The following PLCH1 variants were observed in gnomAD, a reference collection of about 807,000 sequenced individuals.
PLCH1 encodes 1-phosphatidylinositol 4,5-bisphosphate phosphodiesterase eta-1.
A neutral mutation model predicts 126.7 loss-of-function variants in PLCH1; 60 were observed. The observed-to-expected ratio is 0.47, with a 90% CI of 0.38 to 0.59. PLCH1 has a LOEUF of 0.59. Ranked by LOEUF, PLCH1 falls within the 20% of genes least tolerant of loss-of-function variation. PLCH1 has a pLI of 0.00. For missense variants in PLCH1, 1,723 were observed against 2,040.0 expected, an observed-to-expected ratio of 0.84 and a Z score of 2.99; for synonymous variants, 719 against 734.9, an observed-to-expected ratio of 0.98 and a Z score of 0.35.
At chr3:155,554,029 T>A (rs768627834) in intron 9 of PLCH1, 47 bp downstream of exon 9, 1 of 1,594,500 alleles carries the variant, frequency 6.3e-7, no homozygotes, top group South Asian at 1.1e-5. Context: ...CAGGCAATGC[T>A]CCATGCGGGA....
chr3:155,451,586 A>G (rs912395003), intron 21 of PLCH1, among the ~76,000 whole-genome samples: 2 of 152,210 alleles, frequency 1.3e-5, no homozygotes, highest in Admixed American at 6.5e-5. Context: ...AAACTGAATA[A>G]AGCAGATTTC....
intron 1 of PLCH1, among the ~76,000 whole-genome samples, chr3:155,716,908 G>A (rs538706634): frequency 6.6e-6 from 1 of 152,280 alleles, no homozygotes; most frequent in South Asian, 2.1e-4. Context: ...GAAGTCCAAG[G>A]TCTCATCTGG....
At chr3:155,460,274 T>A (rs1712659875) in intron 21 of PLCH1, among the ~76,000 whole-genome samples, 1 of 152,194 alleles carries the variant, frequency 6.6e-6, no homozygotes, top group Non-Finnish European at 1.5e-5. Flanking sequence ...CTTTAATCCT[T>A]GCCCAAATTT....
chr3:155,663,434 G>A (rs1003997704), intron 2 of PLCH1, among the ~76,000 whole-genome samples: 8 of 152,126 alleles, frequency 5.3e-5, no homozygotes, highest in African/African-American at 1.9e-4. Flanking sequence ...GAAACCTTTT[G>A]CTCTCTTTCC....
chr3:155,729,533 T>C (rs919048332), intron 1 of PLCH1, among the ~76,000 whole-genome samples: 4 of 152,218 alleles, frequency 2.6e-5, no homozygotes, highest in African/African-American at 9.6e-5. Flanking sequence ...GAAGGAACAG[T>C]AGATGCTCAA....
chr3:155,530,233 C>T (rs189747683), intron 10 of PLCH1, among the ~76,000 whole-genome samples: 1 of 152,278 alleles, frequency 6.6e-6, no homozygotes, highest in East Asian at 1.9e-4. Flanking sequence ...AGGTTTTGTA[C>T]ACCTCAAGAA....
intron 2 of PLCH1, among the ~76,000 whole-genome samples, chr3:155,639,823 T>C (rs139380125): frequency 9.2e-5 from 14 of 152,312 alleles, no homozygotes; most frequent in Middle Eastern, 6.8e-3. Context: ...GGGAGGTGAC[T>C]GAGTCATGGG....
intron 6 of PLCH1, among the ~76,000 whole-genome samples, chr3:155,575,671 T>C (rs1435714191): frequency 6.6e-6 from 1 of 152,134 alleles, no homozygotes; most frequent in East Asian, 1.9e-4. Flanking sequence ...TTTAAATTTT[T>C]TAAGTTATTT....
intron 21 of PLCH1, among the ~76,000 whole-genome samples, chr3:155,453,702 A>G (rs1472970817): frequency 1.3e-5 from 2 of 151,636 alleles, no homozygotes; most frequent in South Asian, 2.1e-4. Context: ...TTTTGTTTCT[A>G]TATAAATTTC....
chr3:155,685,393 G>A (rs528195614), intron 2 of PLCH1, among the ~76,000 whole-genome samples: 1 of 152,166 alleles, frequency 6.6e-6, no homozygotes, highest in Non-Finnish European at 1.5e-5. Context: ...TGGCCTTCTG[G>A]TTAACACTTC....
chr3:155,664,074 A>G (rs1427323190), intron 2 of PLCH1, among the ~76,000 whole-genome samples: 1 of 152,236 alleles, frequency 6.6e-6, no homozygotes, highest in Non-Finnish European at 1.5e-5. Flanking sequence ...CATCATAAAC[A>G]GTCTGATGAC....
At chr3:155,630,457 CTT>C (rs1279314757) in intron 2 of PLCH1, among the ~76,000 whole-genome samples, 11 of 152,318 alleles carry the variant, frequency 7.2e-5, no homozygotes, top group African/African-American at 2.2e-4. Context: ...TGGCTGCAAA[CTT>C]ATCCAGTCAA....
chr3:155,475,566 T>G (rs1273262765), downstream of PLCH1, among the ~76,000 whole-genome samples: 1 of 152,008 alleles, frequency 6.6e-6, no homozygotes, highest in East Asian at 1.9e-4. Context: ...TTGACAAACC[T>G]TTAGCCAGAC....
Position 155,594,080 on chromosome 3 carries a change from G to T in PLCH1, c.331C>A (p.His111Asn). 1 of 1,614,088 alleles carries T rather than the reference G, an allele frequency of 6.2e-7. No homozygotes were observed. Among genetic ancestry groups the T allele is most frequent in the African/African-American group, 1.3e-5 (1 of 75,020 alleles). Residue 111 changes from histidine to asparagine, a missense_variant, in exon 4 of 23, where the codon CAT becomes AAT. His to Asn is a moderately conservative substitution (Grantham distance 68). Around this residue, in one of 2 missense-constraint regions of PLCH1, gnomAD observed 776 missense variants for 1,062.9 expected, o/e 0.73. Transcript: ENST00000460012. ...TCCAGGGACTCCATGTGGTTGCCAT[G>T]GTAGATGGTGAAGCAGCAGCTGGGG... is the stretch of plus-strand genomic sequence containing the variant. ...FDPSCCFTIYHGNHMESLDLI... is the reference protein window; with the variant it reads ...FDPSCCFTIYNGNHMESLDLI...
intron 2 of PLCH1, among the ~76,000 whole-genome samples, chr3:155,599,730 C>A (rs114399632): frequency 0.027 from 4,040 of 151,968 alleles, 72 homozygotes; most frequent in Admixed American, 0.038. Context: ...AAATTGTTTA[C>A]GCCAGAGTGG....
At chr3:155,584,290 C>T (rs1457160693) in intron 5 of PLCH1, among the ~76,000 whole-genome samples, 2 of 152,164 alleles carry the variant, frequency 1.3e-5, no homozygotes, top group African/African-American at 4.8e-5. Flanking sequence ...ATAACAGTCT[C>T]TCATTGGTTT....
In PLCH1 at chr3:155,545,365, A is replaced by G. The variant is rs1423367467; in HGVS notation, c.1362+4422T>C. Among the ~76,000 whole-genome samples the G allele has an allele frequency of 3.8e-3, 574 of 152,098 alleles. 1 individual carries two copies. Among genetic ancestry groups the G allele is most frequent in the African/African-American group, 0.013 (550 of 41,482 alleles). On this transcript the variant is annotated intron_variant, in intron 10 of 22. Coordinates refer to ENST00000460012, the MANE Select transcript of PLCH1 (RefSeq NM_014996.4). Reference sequence around the variant, plus strand: ...AGAAGTTGACTCTCTGAATAGACCAATAACAGGCTCTGAAATTGTGTCAAT... The same window carrying G: ...AGAAGTTGACTCTCTGAATAGACCAGTAACAGGCTCTGAAATTGTGTCAAT...
Position 155,481,475 on chromosome 3 carries a change from G to T in PLCH1, c.4551C>A (p.Asp1517Glu), listed in dbSNP as rs1167418790. 2 of 1,614,122 alleles carry T rather than the reference G, an allele frequency of 1.2e-6. No individual in the cohort carries two copies. The highest frequency in any genetic ancestry group is 1.1e-5 in the South Asian group (1 of 91,078). Residue 1517 changes from aspartate to glutamate, a missense_variant, in exon 23 of 23, where the codon GAC becomes GAA. Around this residue, in one of 2 missense-constraint regions of PLCH1, gnomAD observed 947 missense variants for 977.1 expected, o/e 0.97. Transcript: ENST00000460012. The surrounding 1 kb of genome is among the most constrained non-coding windows in gnomAD (Gnocchi z 4.2). The part of the protein sequence containing the change: ...SKSFVTTGIR[D>E]KKGVTVKTKS... ...TTGTCTTCACAGTCACGCCCTTCTTGTCTCTAATGCCAGTTGTAACAAAAC... is the reference window on the plus strand; with the variant it reads ...TTGTCTTCACAGTCACGCCCTTCTTTTCTCTAATGCCAGTTGTAACAAAAC...
intron 10 of PLCH1, among the ~76,000 whole-genome samples, chr3:155,539,900 TATGG>T (rs1029536375): frequency 1.3e-5 from 2 of 151,936 alleles, no homozygotes; most frequent in Non-Finnish European, 2.9e-5. Flanking sequence ...CTAAAATTCA[TATGG>T]AACTAAAAGA....
Sources: gnomAD v4.1 joint callset for allele counts (sites outside exome capture counted in the v4.1 genomes callset) on GRCh38, gnomAD v4.1.1 for gene constraint, gnomAD v4.1.1 regional missense constraint, Gnocchi (gnomAD v3.1) non-coding constraint, MANE v1.5 for transcripts, NCBI Gene and HGNC (gene_info 2026-07-23, HGNC 2026-07-21) for gene names.